BARX1: variants seen among roughly 807,000 people sequenced by gnomAD.
BARX1 encodes homeobox protein BarH-like 1.
BARX1 carries 10 observed loss-of-function variants against 19.6 expected under a neutral mutation model. The ratio of observed to expected loss-of-function variants is 0.51; its 90% confidence interval spans 0.31 to 0.86. BARX1 has a LOEUF of 0.86. Among genes scored for constraint, BARX1 ranks in the 40% least tolerant of loss-of-function variants. BARX1 has a pLI of 0.04. For missense variants in BARX1, 309 were observed against 360.4 expected (o/e 0.86, Z 1.15); for synonymous variants, 177 against 170.0 (o/e 1.04, Z -0.32).
In BARX1 at chr9:93,952,988, C is replaced by T. The variant is rs868126121; in HGVS notation, c.423G>A (p.Lys141=). 3 of 1,572,146 alleles carry T rather than the reference C, an allele frequency of 1.9e-6. No homozygotes were observed. The highest frequency in any genetic ancestry group is 2.4e-5 in the East Asian group (1 of 42,094). Reference sequence around the variant, plus strand: ...TGAACACAGTGCGGCTCCGACGCCCCTTCTTGGCTTTGGTGCCTGGCTCCC... The same window carrying T: ...TGAACACAGTGCGGCTCCGACGCCCTTTCTTGGCTTTGGTGCCTGGCTCCC... ...GPGEPGTKAK[K]GRRSRTVFTE... Residue 141 remains lysine, a synonymous_variant, in exon 2 of 4, where the codon AAG becomes AAA. Coordinates refer to ENST00000253968, the MANE Select transcript of BARX1 (RefSeq NM_021570.4).
At position 93,951,646 on chromosome 9, in the gene BARX1, A is replaced by G. The variant is rs1243170923; in HGVS notation, c.*518T>C. The G allele has an allele frequency of 6.7e-6, 1 of 149,878 alleles. No individual in the cohort carries two copies. The highest frequency in any genetic ancestry group is 2.5e-5 in the African/African-American group (1 of 40,794). The allele number at this position is 149,878 out of a possible 1,614,324, so 9.3% of individuals were successfully genotyped here. Reference sequence around the variant, plus strand: ...GCCCGATTGTGTCATAAAATATTTTATTGGAAAAAAAGTCACCGTCTTCGC... The same window carrying G: ...GCCCGATTGTGTCATAAAATATTTTGTTGGAAAAAAAGTCACCGTCTTCGC... On this transcript the variant is annotated 3_prime_UTR_variant, in exon 4 of 4. Coordinates refer to ENST00000253968, the MANE Select transcript of BARX1 (RefSeq NM_021570.4).
Position 93,952,821 on chromosome 9 carries a change from G to A in BARX1, c.516-8C>T, listed in dbSNP as rs981090993. On this transcript the variant is annotated splice_polypyrimidine_tract_variant and splice_region_variant and intron_variant, in intron 2 of 3. Coordinates refer to ENST00000253968, the MANE Select transcript of BARX1 (RefSeq NM_021570.4). ...GACTCAGCAAGATCTATTCTGGAAA[G>A]AGCAGGGCGCACCCTCAGCAAGGCA... The A allele has an allele frequency of 1.7e-5, 27 of 1,614,026 alleles. 1 individual carries two copies. The highest frequency in any genetic ancestry group is 1.7e-6 in the Non-Finnish European group (2 of 1,180,032).
chr9:93,952,322 GCAGCACCTGCACGGGGGACCGC>G lies in BARX1; in HGVS notation c.601-16_606del, dbSNP rs944931787. On this transcript the variant is annotated splice_acceptor_variant and splice_polypyrimidine_tract_variant and coding_sequence_variant and intron_variant, in exon 4 of 4. Transcript: ENST00000253968. LOFTEE classifies it high-confidence loss of function. ...GTGGGAGACTCCAGGCCGCCGCCCT[GCAGCACCTGCACGGGGGACCGC>G]CAGCACCTGGGTGAGCCAGCACGTG... The G allele has an allele frequency of 6.2e-7, 1 of 1,607,118 alleles. No homozygotes were observed. The highest frequency in any genetic ancestry group is 1.3e-5 in the African/African-American group (1 of 74,924).
intron 3 of BARX1, 94 bp from the exon 4 acceptor site, chr9:93,952,422 G>A: frequency 1.4e-6 from 2 of 1,449,566 alleles, no homozygotes; most frequent in Admixed American, 2.3e-5. Flanking sequence ...GGAGTGCAGG[G>A]TCCATATGAG....
chr9:93,953,848 G>A (rs1252965553), intron 1 of BARX1, among the ~76,000 whole-genome samples: 4 of 152,254 alleles, frequency 2.6e-5, no homozygotes, highest in African/African-American at 9.6e-5. Flanking sequence ...AGATGGAGAC[G>A]AAAGGTAGCC....
rs578112281 is a variant in BARX1, at chr9:93,954,880, C to G, written c.223+44G>C. ...GCGCCCCCGCGGTTCAGCTCGCTGT[C>G]TCCCGCCAAGCCCGGCCCGCGACCC... On this transcript the variant is annotated intron_variant, in intron 1 of 3. Transcript: ENST00000253968. The G allele has an allele frequency of 7.3e-3, 9,209 of 1,259,652 alleles. 39 individuals carry two copies. The highest frequency in any genetic ancestry group is 8.4e-3 in the Non-Finnish European group (8,381 of 1,000,158). 78.0% of individuals were successfully genotyped at this position (1,259,652 alleles called of 1,614,324 possible).
chr9:93,954,898 C>T, intron 1 of BARX1, 26 bp downstream of exon 1: 2 of 1,289,696 alleles, frequency 1.6e-6, no homozygotes, highest in Non-Finnish European at 2.0e-6. Flanking sequence ...AAGCCCGGCC[C>T]GCGACCCCGC....
Position 93,955,087 on chromosome 9 carries a change from G to A in BARX1, c.60C>T (p.Asp20=). The A allele has an allele frequency of 7.3e-7, 1 of 1,366,512 alleles. No homozygotes were observed. The highest frequency in any genetic ancestry group is 9.5e-7 in the Non-Finnish European group (1 of 1,054,578). The allele number at this position is 1,366,512 out of a possible 1,614,324, so 84.6% of individuals were successfully genotyped here. A position where few individuals can be genotyped will look rare whatever the true frequency, so the allele number is the denominator to read the frequency against. The change falls in exon 1 of 4, where the codon GAC becomes GAT. Residue 20 remains aspartate (D), a synonymous_variant. Coordinates refer to ENST00000253968, the MANE Select transcript of BARX1 (RefSeq NM_021570.4). This position sits in a 1 kb window ranked among gnomAD's most constrained non-coding sequence, Gnocchi z 4.4. The stretch of plus-strand genomic sequence containing the variant: ...AGCTGCGATAGCGGTGCGGCCGGTG[G>A]TCCGCGCAGCCCTCGGGCGGGCCGA... ...ARFGPPEGCA[D]HRPHRYRSFM... is the part of the protein sequence containing the mutation.
intron 3 of BARX1, 93 bp from the exon 4 acceptor site, chr9:93,952,421 GGTCCATATGA>G (rs1192636018): frequency 6.9e-7 from 1 of 1,454,910 alleles, no homozygotes; most frequent in African/African-American, 1.4e-5. Flanking sequence ...AGGAGTGCAG[GGTCCATATGA>G]GGAAATGGTG....
In BARX1 at chr9:93,953,534, A is replaced by G. The variant is rs950744030; in HGVS notation, c.224-347T>C. 6 of 331,286 alleles carry G rather than the reference A, an allele frequency of 1.8e-5. No individual in the cohort carries two copies. In the East Asian group the frequency reaches 2.9e-4, roughly 16 times the overall value. The allele number at this position is 331,286 out of a possible 1,614,324, so 20.5% of individuals were successfully genotyped here. Reference sequence around the variant, plus strand: ...TCGGGGAAAGTAGAAACCAAAAAGAAAACGGCAGCTGGTCCTAAGAAGATG... The same window carrying G: ...TCGGGGAAAGTAGAAACCAAAAAGAGAACGGCAGCTGGTCCTAAGAAGATG... On this transcript the variant is annotated intron_variant, in intron 1 of 3. Transcript: ENST00000253968.
chr9:93,953,187 G>A lies in BARX1; in HGVS notation c.224C>T (p.Ala75Val), dbSNP rs773164189. The change falls in exon 2 of 4, where the codon GCC becomes GTC. Residue 75 changes from alanine (A) to valine (V), a missense_variant and splice_region_variant. Transcript: ENST00000253968. ...LAARPFHSHL[A>V]VLKAEQAAVF... ...CGCCGCCTGCTCGGCCTTCAGCACGGCTGCGAAGAAAGAGAATGAGGACCC... is the reference window on the plus strand; with the variant it reads ...CGCCGCCTGCTCGGCCTTCAGCACGACTGCGAAGAAAGAGAATGAGGACCC... The A allele has an allele frequency of 6.7e-7, 1 of 1,502,906 alleles. No individual in the cohort carries two copies. The highest frequency in any genetic ancestry group is 1.3e-5 in the South Asian group (1 of 78,392). The allele number at this position is 1,502,906 out of a possible 1,614,324, so 93.1% of individuals were successfully genotyped here.
At chr9:93,953,298 G>A in intron 1 of BARX1, 111 bp from the exon 2 acceptor site, 3 of 1,256,436 alleles carry the variant, frequency 2.4e-6, no homozygotes, top group Non-Finnish European at 3.2e-6. Flanking sequence ...GTGCCTCCCA[G>A]CGCAAAACCT....
chr9:93,952,827 G>C lies in BARX1; in HGVS notation c.516-14C>G. 2 of 1,614,062 alleles carry C rather than the reference G, an allele frequency of 1.2e-6. No individual in the cohort carries two copies. The highest frequency in any genetic ancestry group is 1.7e-6 in the Non-Finnish European group (2 of 1,180,004). ...GCAAGATCTATTCTGGAAAGAGCAG[G>C]GCGCACCCTCAGCAAGGCAAGTGAC... is the stretch of plus-strand genomic sequence containing the variant. On this transcript the variant is annotated splice_polypyrimidine_tract_variant and intron_variant, in intron 2 of 3. Coordinates refer to ENST00000253968, the MANE Select transcript of BARX1 (RefSeq NM_021570.4).
In BARX1 at chr9:93,951,907, T is replaced by G; in HGVS notation, c.*257A>C. ...CGTGGAGCGCTCTGCGCCACGGAGC[T>G]CAGGGTAGAGACTGTAGCTTCCGCC... On this transcript the variant is annotated 3_prime_UTR_variant, in exon 4 of 4. Coordinates refer to ENST00000253968, the MANE Select transcript of BARX1 (RefSeq NM_021570.4). 1 of 527,622 alleles carries G rather than the reference T, an allele frequency of 1.9e-6. No homozygotes were observed. The highest frequency in any genetic ancestry group is 3.4e-6 in the Non-Finnish European group (1 of 296,194). The allele number at this position is 527,622 out of a possible 1,614,324, so 32.7% of individuals were successfully genotyped here.
chr9:93,954,449 C>G (rs774763027), intron 1 of BARX1, among the ~76,000 whole-genome samples: 2 of 152,234 alleles, frequency 1.3e-5, no homozygotes, highest in African/African-American at 4.8e-5. Context: ...GGACTCCGGG[C>G]CGGCTTGGGC....
At chr9:93,954,838 G>T in intron 1 of BARX1, 86 bp downstream of exon 1, 1 of 984,140 alleles carries the variant, frequency 1.0e-6, no homozygotes, top group Non-Finnish European at 1.3e-6. Context: ...CTGCTTCGAT[G>T]CCGGAGGAGG....
At position 93,951,809 on chromosome 9, in the gene BARX1, T is replaced by G. The variant is rs527706626; in HGVS notation, c.*355A>C. 33 of 235,838 alleles carry G rather than the reference T, an allele frequency of 1.4e-4. No homozygotes were observed. In the Admixed American group the frequency reaches 1.5e-3, roughly 11 times the overall value. 14.6% of individuals were successfully genotyped at this position (235,838 alleles called of 1,614,324 possible). A position where few individuals can be genotyped will look rare whatever the true frequency, so the allele number is the denominator to read the frequency against. On this transcript the variant is annotated 3_prime_UTR_variant, in exon 4 of 4. Coordinates refer to ENST00000253968, the MANE Select transcript of BARX1 (RefSeq NM_021570.4). Reference sequence around the variant, plus strand: ...CGACGTCCAGAAGCGGGTGTGTGCCTGGAGGCTCCCCGGCCGGGAGGGCAG... The same window carrying G: ...CGACGTCCAGAAGCGGGTGTGTGCCGGGAGGCTCCCCGGCCGGGAGGGCAG...
chr9:93,953,373 G>A, intron 1 of BARX1, 186 bp from the exon 2 acceptor site: 1 of 639,390 alleles, frequency 1.6e-6, no homozygotes, highest in Non-Finnish European at 2.5e-6. Flanking sequence ...CCGTTCCCCA[G>A]ATTTGGGAGG....
rs1280064441 is a variant in BARX1 at position 93,952,131 on chromosome 9, C to G, written c.*33G>C. On this transcript the variant is annotated 3_prime_UTR_variant, in exon 4 of 4. Coordinates refer to ENST00000253968, the MANE Select transcript of BARX1 (RefSeq NM_021570.4). Reference sequence around the variant, plus strand: ...CCGAGTGAGGGGGCTGCGGGTGGCGCGGGCATCCCAGGCCCCGCACCGTAT... The same window carrying G: ...CCGAGTGAGGGGGCTGCGGGTGGCGGGGGCATCCCAGGCCCCGCACCGTAT... 1.3e-6 allele frequency: 2 copies of G among 1,590,240 alleles called. No homozygotes were observed. The highest frequency in any genetic ancestry group is 1.7e-6 in the Non-Finnish European group (2 of 1,173,164).
Sources: gnomAD v4.1 joint callset for allele counts (sites outside exome capture counted in the v4.1 genomes callset) on GRCh38, gnomAD v4.1.1 for gene constraint, Gnocchi (gnomAD v3.1) non-coding constraint, MANE v1.5 for transcripts, NCBI Gene and HGNC (gene_info 2026-07-23, HGNC 2026-07-21) for gene names.